COMMD7: variants seen among roughly 807,000 people sequenced by gnomAD.
COMMD7 encodes COMM domain-containing protein 7.
Under a neutral mutation model 34.8 loss-of-function variants are expected in COMMD7, and 28 were observed. The ratio of observed to expected loss-of-function variants is 0.80; its 90% CI spans 0.60 to 1.10. The LOEUF is 1.10. Among genes scored for constraint, COMMD7 ranks in the 50% least tolerant of loss-of-function variants. COMMD7 has a pLI of 0.00. For synonymous variants in COMMD7, 80 were observed against 86.4 expected, an observed-to-expected ratio of 0.93 and a Z score of 0.41; for missense variants, 211 against 241.6, an observed-to-expected ratio of 0.87 and a Z score of 0.84.
chr20:32,705,380 T>A (rs1455966409), intron 5 of COMMD7, among the ~76,000 whole-genome samples: 8 of 145,712 alleles, frequency 5.5e-5, no homozygotes, highest in African/African-American at 1.8e-4. Flanking sequence ...ATATATATTT[T>A]TTTTTTTCTT....
chr20:32,706,957 ATTTAT>A (rs1984119741), intron 3 of COMMD7, among the ~76,000 whole-genome samples, 197 bp from the exon 4 acceptor site: 1 of 151,976 alleles, frequency 6.6e-6, no homozygotes, highest in Non-Finnish European at 1.5e-5. Context: ...ACATTTTACA[ATTTAT>A]TTATTTTATT....
intron 3 of COMMD7, among the ~76,000 whole-genome samples, chr20:32,708,178 A>G (rs1023973309): frequency 1.3e-5 from 2 of 152,204 alleles, no homozygotes; most frequent in Non-Finnish European, 2.9e-5. Flanking sequence ...TCCTGAAAAC[A>G]AAGCCAGCAA....
In COMMD7 at chr20:32,740,874, G is replaced by A. The variant is rs1219228266; in HGVS notation, c.84+2434C>T. Among the ~76,000 whole-genome samples the A allele has an allele frequency of 2.6e-5, 4 of 151,580 alleles. No homozygotes were observed. In the East Asian group the frequency reaches 7.8e-4, roughly 29 times the overall value. On this transcript the variant is annotated intron_variant, in intron 1 of 8. Coordinates refer to ENST00000278980, the MANE Select transcript of COMMD7 (RefSeq NM_053041.3). ...AAAAGTTACAGTTGGCAGGGTGCATGGCTTACGCCTGTAATCCCAGCACTT... is the reference window on the plus strand; with the variant it reads ...AAAAGTTACAGTTGGCAGGGTGCATAGCTTACGCCTGTAATCCCAGCACTT...
rs1485136623 is a variant in COMMD7 at position 32,725,438 on chromosome 20, T to TTG, written c.241+2454_241+2455insCA. Among the ~76,000 whole-genome samples the TTG allele has an allele frequency of 2.7e-4, 40 of 149,272 alleles. 1 individual carries two copies. Among genetic ancestry groups the TTG allele is most frequent in the African/African-American group, 9.6e-4 (39 of 40,798 alleles). On this transcript the variant is annotated intron_variant, in intron 3 of 8. Transcript: ENST00000278980. ...AGCTCTATACTGTGTTTTGTTTTTT[T>TTG]TTTTTTTTGAGACGGAGTGTTGCTC...
chr20:32,713,748 C>T (rs1022307220), intron 3 of COMMD7, among the ~76,000 whole-genome samples: 3 of 152,202 alleles, frequency 2.0e-5, no homozygotes, highest in Non-Finnish European at 4.4e-5. Context: ...ACAATCTCTG[C>T]CCTTATGAGG....
At chr20:32,732,334 T>G (rs1985886266) in intron 1 of COMMD7, among the ~76,000 whole-genome samples, 2 of 152,124 alleles carry the variant, frequency 1.3e-5, no homozygotes, top group Admixed American at 6.6e-5. Flanking sequence ...CAAGCAATCC[T>G]CCTGCCTCAC....
rs1220780131 is a variant in COMMD7, at chr20:32,723,227, C to G, written c.241+4666G>C. On this transcript the variant is annotated intron_variant, in intron 3 of 8. Transcript: ENST00000278980. ...CTGGACTGTACTGCTGCCATCTCGGCTCACTGCAACCTCCCTGCCTGATTC... is the reference window on the plus strand; with the variant it reads ...CTGGACTGTACTGCTGCCATCTCGGGTCACTGCAACCTCCCTGCCTGATTC... Among the ~76,000 whole-genome samples, 21 of 44,404 alleles carry G rather than the reference C, an allele frequency of 4.7e-4. 7 individuals carry two copies. In the East Asian group the frequency reaches 8.0e-3, roughly 17 times the overall value. The allele number at this position is 44,404 out of a possible 152,430, so 29.1% of individuals were successfully genotyped here. A position where few individuals can be genotyped will look rare whatever the true frequency, so the allele number is the denominator to read the frequency against.
intron 3 of COMMD7, among the ~76,000 whole-genome samples, chr20:32,708,476 C>T (rs1042403725): frequency 3.3e-5 from 5 of 151,910 alleles, no homozygotes; most frequent in African/African-American, 7.3e-5. Flanking sequence ...GGAAGCCACA[C>T]GGAATAAAAA....
At chr20:32,711,560 G>A (rs1034267730) in intron 3 of COMMD7, among the ~76,000 whole-genome samples, 2 of 152,044 alleles carry the variant, frequency 1.3e-5, no homozygotes, top group African/African-American at 2.4e-5. Flanking sequence ...TTGGTGCTGC[G>A]GTATCAGGCA....
At chr20:32,703,646 G>GA (rs1049420729) in intron 8 of COMMD7, 188 bp from the exon 9 acceptor site, 45 of 1,427,244 alleles carry the variant, frequency 3.2e-5, no homozygotes, top group Middle Eastern at 4.9e-4. Flanking sequence ...TGCTCCAAAG[G>GA]AAAAAAAAGG....
At chr20:32,704,780 C>T (rs759253826) in intron 6 of COMMD7, 34 bp downstream of exon 6, 1 of 1,520,652 alleles carries the variant, frequency 6.6e-7, no homozygotes, top group Admixed American at 1.7e-5. Context: ...CCCTGTACCA[C>T]CCAAATAACC....
At chr20:32,722,737 C>T (rs1686474648) in intron 3 of COMMD7, among the ~76,000 whole-genome samples, 1 of 143,862 alleles carries the variant, frequency 7.0e-6, no homozygotes, top group South Asian at 2.2e-4. Context: ...AAAAAAAAGA[C>T]TTGGCCGAGC....
At chr20:32,706,106 G>C (rs1010513537) in intron 5 of COMMD7, among the ~76,000 whole-genome samples, 2 of 151,200 alleles carry the variant, frequency 1.3e-5, no homozygotes, top group Non-Finnish European at 2.9e-5. Flanking sequence ...GCTGGGGCAG[G>C]AGAATTGCTT....
rs1205356758 is a variant in COMMD7, at chr20:32,721,093, G to C, written c.241+6800C>G. Among the ~76,000 whole-genome samples, 5 of 152,202 alleles carry C rather than the reference G, an allele frequency of 3.3e-5. No homozygotes were observed. The East Asian group carries it at 9.6e-4, about 29-fold the overall frequency. ...AAAACATATCTCAGATGCTGGAAGGGGAGGTTACTGTGAACTCAAGCGATT... is the reference window on the plus strand; with the variant it reads ...AAAACATATCTCAGATGCTGGAAGGCGAGGTTACTGTGAACTCAAGCGATT... On this transcript the variant is annotated intron_variant, in intron 3 of 8. Transcript: ENST00000278980.
Position 32,723,292 on chromosome 20 carries a change from G to A in COMMD7, c.241+4601C>T, listed in dbSNP as rs1479285321. ...GCCGAGTGCCTGCGATTGCAGGCAC[G>A]CGCCGCCACGCCTGACTGGTTTTGG... is the stretch of plus-strand genomic sequence containing the variant. On this transcript the variant is annotated intron_variant, in intron 3 of 8. Transcript: ENST00000278980. Among the ~76,000 whole-genome samples the A allele has an allele frequency of 1.8e-3, 60 of 33,398 alleles. 6 individuals are homozygous for A. The East Asian group carries it at 0.023, about 13-fold the overall frequency. 21.9% of individuals were successfully genotyped at this position (33,398 alleles called of 152,430 possible).
chr20:32,739,396 AG>A (rs1986305748), intron 1 of COMMD7, among the ~76,000 whole-genome samples: 1 of 152,220 alleles, frequency 6.6e-6, no homozygotes, highest in African/African-American at 2.4e-5. Context: ...CTGTAATCCC[AG>A]CACTTTGGGA....
At chr20:32,741,153 ACAAAC>A (rs1986419902) in intron 1 of COMMD7, among the ~76,000 whole-genome samples, 3 of 119,618 alleles carry the variant, frequency 2.5e-5, no homozygotes, top group Non-Finnish European at 5.4e-5. Flanking sequence ...AAACAAACAA[ACAAAC>A]AAAAAAAAAC....
At chr20:32,733,865 G>C (rs1333000901) in intron 1 of COMMD7, among the ~76,000 whole-genome samples, 1 of 141,642 alleles carries the variant, frequency 7.1e-6, no homozygotes, top group Non-Finnish European at 1.5e-5. Context: ...AGCCTGGGCG[G>C]AGTGGAACTC....
At chr20:32,706,503 A>T in intron 5 of COMMD7, 80 bp downstream of exon 5, 12 of 1,103,692 alleles carry the variant, frequency 1.1e-5, no homozygotes, top group Non-Finnish European at 1.5e-5. Flanking sequence ...ACAGAATGCG[A>T]CTCCATCTCA....
Sources: allele counts gnomAD v4.1 joint callset (sites outside exome capture counted in the v4.1 genomes callset), GRCh38; gene constraint gnomAD v4.1.1; transcripts MANE v1.5; gene names NCBI Gene and HGNC (gene_info 2026-07-23, HGNC 2026-07-21).